Variants in DIP2C observed in about 807,000 individuals in gnomAD.
The protein encoded by DIP2C is disco-interacting protein 2 homolog C.
In DIP2C, 33 loss-of-function variants were observed where a neutral mutation model predicts 192.4. The ratio of observed to expected loss-of-function variants is 0.17; its 90% CI spans 0.13 to 0.23. The LOEUF is 0.23. DIP2C is among the 10% of genes least tolerant of loss of function. The probability of loss-of-function intolerance (pLI) is 1.00; values close to 1 mark genes in which losing one functional copy is unlikely to be tolerated. For synonymous variants in DIP2C, 979 were observed against 864.1 expected, an observed-to-expected ratio of 1.13 and a Z score of -2.33; for missense variants, 1,537 against 2,110.1, an observed-to-expected ratio of 0.73 and a Z score of 5.32.
At chr10:531,207 T>C (rs1252709305) in intron 1 of DIP2C, among the ~76,000 whole-genome samples, 5 of 152,218 alleles carry the variant, frequency 3.3e-5, no homozygotes, top group Middle Eastern at 6.8e-3. Flanking sequence ...TGCTGTGACT[T>C]TCCCCGTAAA....
chr10:451,847 GA>G (rs1349633770), intron 3 of DIP2C, among the ~76,000 whole-genome samples: 2 of 152,180 alleles, frequency 1.3e-5, no homozygotes, highest in Non-Finnish European at 2.9e-5. Flanking sequence ...ACATCTTGAA[GA>G]AATGCGGGTT....
intron 17 of DIP2C, among the ~76,000 whole-genome samples, chr10:375,099 CA>C (rs760039810): frequency 2.6e-5 from 4 of 152,202 alleles, no homozygotes; most frequent in Non-Finnish European, 4.4e-5. Flanking sequence ...AAAAGGGAAA[CA>C]AAATAAAACT....
At chr10:523,678 T>G (rs2130827655) in intron 1 of DIP2C, among the ~76,000 whole-genome samples, 1 of 143,394 alleles carries the variant, frequency 7.0e-6, no homozygotes, top group Non-Finnish European at 1.5e-5. Context: ...GGAGTGACGA[T>G]GCAGGGACTC....
intron 30 of DIP2C, among the ~76,000 whole-genome samples, chr10:327,794 T>C (rs1328421254): frequency 6.6e-6 from 1 of 152,152 alleles, no homozygotes; most frequent in Non-Finnish European, 1.5e-5. Flanking sequence ...CGCCAAGAAT[T>C]TCTTCTCATT....
At chr10:284,283 A>G (rs1433356838) in intron 34 of DIP2C, among the ~76,000 whole-genome samples, 3 of 152,172 alleles carry the variant, frequency 2.0e-5, no homozygotes, top group Non-Finnish European at 4.4e-5. Context: ...TATGGCAGGC[A>G]CTCACTGCCT....
At chr10:550,915 C>T (rs942670407) in intron 1 of DIP2C, among the ~76,000 whole-genome samples, 2 of 152,204 alleles carry the variant, frequency 1.3e-5, no homozygotes, top group African/African-American at 4.8e-5. Flanking sequence ...GAACCGTGCA[C>T]ATGGCTTCCC....
chr10:346,819 G>A (rs372473554), intron 26 of DIP2C, among the ~76,000 whole-genome samples: 1 of 11,064 alleles, frequency 9.0e-5, no homozygotes, highest in Non-Finnish European at 2.3e-4. Context: ...AACGTCACAC[G>A]CACCCGGACA....
intron 31 of DIP2C, chr10:325,047 T>G (rs6560824): frequency 4.1e-6 from 2 of 485,658 alleles, no homozygotes; most frequent in African/African-American, 2.0e-5. Context: ...AGGCGGATCA[T>G]GAGGTCAGGA....
intron 4 of DIP2C, among the ~76,000 whole-genome samples, chr10:432,624 G>C (rs535800349): frequency 6.6e-6 from 1 of 151,986 alleles, no homozygotes; most frequent in Non-Finnish European, 1.5e-5. Flanking sequence ...TGTTGGTTTC[G>C]TTGATTTTCT....
At chr10:571,393 A>AGGGTCGGGAACC (rs1485953728) in intron 1 of DIP2C, among the ~76,000 whole-genome samples, 1 of 152,012 alleles carries the variant, frequency 6.6e-6, no homozygotes, top group Non-Finnish European at 1.5e-5. Context: ...CGCACCCGCG[A>AGGGTCGGGAACC]GGGTCGGGAA....
chr10:596,465 C>T (rs1851705077), intron 1 of DIP2C, among the ~76,000 whole-genome samples: 1 of 123,504 alleles, frequency 8.1e-6, no homozygotes, highest in Non-Finnish European at 1.6e-5. Flanking sequence ...CATTGCACTT[C>T]AGCCTGGGCG....
intron 1 of DIP2C, among the ~76,000 whole-genome samples, chr10:595,522 C>T (rs562530651): frequency 2.6e-5 from 4 of 152,294 alleles, no homozygotes; most frequent in South Asian, 2.1e-4. Context: ...GAAGAACAAA[C>T]ATCAATATCC....
At chr10:574,395 G>A (rs888011800) in intron 1 of DIP2C, among the ~76,000 whole-genome samples, 1 of 152,198 alleles carries the variant, frequency 6.6e-6, no homozygotes, top group South Asian at 2.1e-4. Flanking sequence ...AGTAGAATAT[G>A]CTTTGGAAAG....
At chr10:423,329 G>C (rs1415446960) in intron 4 of DIP2C, among the ~76,000 whole-genome samples, 29 of 152,218 alleles carry the variant, frequency 1.9e-4, no homozygotes, top group Non-Finnish European at 1.5e-5. Flanking sequence ...AAGAAACCAA[G>C]TGTTTGCTTG....
In DIP2C at chr10:651,539, T is replaced by C. The variant is rs1205251053; in HGVS notation, c.85+37955A>G. The C allele has an allele frequency of 2.2e-6, 1 of 462,166 alleles. No homozygotes were observed. Among genetic ancestry groups the C allele is most frequent in the East Asian group, 4.6e-5 (1 of 21,940 alleles). 28.6% of individuals were successfully genotyped at this position (462,166 alleles called of 1,614,324 possible). The stretch of plus-strand genomic sequence containing the variant: ...AGGTATTATGCAAAAAAAGCTTAAC[T>C]TTGTTTCAGTGCCTTTCCAGTTAAA... On this transcript the variant is annotated intron_variant, in intron 1 of 36. Transcript: ENST00000280886. The surrounding 1 kb of genome is among the most constrained non-coding windows in gnomAD (Gnocchi z 4.1).
chr10:410,105 C>T (rs1965088759), intron 8 of DIP2C, among the ~76,000 whole-genome samples: 1 of 152,120 alleles, frequency 6.6e-6, no homozygotes, highest in Non-Finnish European at 1.5e-5. Context: ...AATTAAAACA[C>T]CCTGAATTAA....
intron 17 of DIP2C, among the ~76,000 whole-genome samples, chr10:381,272 G>T (rs921596286): frequency 2.0e-5 from 3 of 152,144 alleles, no homozygotes; most frequent in Non-Finnish European, 2.9e-5. Flanking sequence ...GCATGATAAC[G>T]ACATAAAAAG....
chr10:419,526 G>A (rs947056690), intron 5 of DIP2C, among the ~76,000 whole-genome samples: 1 of 152,204 alleles, frequency 6.6e-6, no homozygotes, highest in East Asian at 1.9e-4. Context: ...TTCACGGAGG[G>A]GTCCTGTTTC....
intron 1 of DIP2C, among the ~76,000 whole-genome samples, chr10:687,603 C>T (rs1243048638): frequency 6.6e-6 from 1 of 152,202 alleles, no homozygotes; most frequent in Non-Finnish European, 1.5e-5. Context: ...CTCATTAAGC[C>T]CTTTTTAAAA....
Sources: allele counts gnomAD v4.1 joint callset (sites outside exome capture counted in the v4.1 genomes callset), GRCh38; gene constraint gnomAD v4.1.1; non-coding constraint Gnocchi (gnomAD v3.1); transcripts MANE v1.5; gene names NCBI Gene and HGNC (gene_info 2026-07-23, HGNC 2026-07-21).